The following PTPRN2 variants were observed in gnomAD, a reference collection of about 807,000 sequenced individuals.
PTPRN2 encodes the protein protein tyrosine phosphatase receptor type N2.
Under a neutral mutation model 118.8 loss-of-function variants are expected in PTPRN2, and 74 were observed. The observed-to-expected ratio is 0.62, with a 90% CI of 0.52 to 0.76. The LOEUF (loss-of-function observed/expected upper bound fraction) is 0.76, where lower values mean the gene tolerates loss of function less well. Among genes scored for constraint, PTPRN2 ranks in the 30% least tolerant of loss-of-function variants. PTPRN2 has a pLI of 0.00. For synonymous variants in PTPRN2, 641 were observed against 608.0 expected (o/e 1.05, Z -0.80); for missense variants, 1,481 against 1,394.4 (o/e 1.06, Z -0.99).
intron 11 of PTPRN2, among the ~76,000 whole-genome samples, chr7:157,935,870 G>A (rs970943837): frequency 6.8e-6 from 1 of 148,060 alleles, no homozygotes; most frequent in Non-Finnish European, 1.5e-5. Context: ...GCTCCCTCAG[G>A]GGGGTCTAGC....
At chr7:157,751,207 A>C (rs1299575591) in intron 12 of PTPRN2, among the ~76,000 whole-genome samples, 6 of 152,144 alleles carry the variant, frequency 3.9e-5, no homozygotes, top group Non-Finnish European at 8.8e-5. Flanking sequence ...ACATGCTGAC[A>C]TGTGAAGGGA....
At chr7:157,594,575 C>T (rs959045983) in intron 17 of PTPRN2, among the ~76,000 whole-genome samples, 3 of 152,242 alleles carry the variant, frequency 2.0e-5, no homozygotes, top group Admixed American at 6.5e-5. Context: ...TCGGGGTTGG[C>T]TGGTGTGCCC....
intron 13 of PTPRN2, among the ~76,000 whole-genome samples, chr7:157,679,658 C>T (rs772891938): frequency 2.0e-4 from 30 of 152,288 alleles, no homozygotes; most frequent in African/African-American, 4.1e-4. Flanking sequence ...AGGAGCACAA[C>T]GTGGGCCCCC....
At chr7:158,531,412 T>C (rs1563403308) in intron 1 of PTPRN2, among the ~76,000 whole-genome samples, 1 of 152,106 alleles carries the variant, frequency 6.6e-6, no homozygotes, top group Non-Finnish European at 1.5e-5. Flanking sequence ...CCCAACCCCA[T>C]CCAGATCCAG....
At position 158,034,199 on chromosome 7, in the gene PTPRN2, G is replaced by A. The variant is rs187314416; in HGVS notation, c.1723+47099C>T. 2.2e-3 allele frequency among the ~76,000 whole-genome samples: 326 copies of A among 148,006 alleles called. 2 individuals carry two copies. The highest frequency in any genetic ancestry group is 7.5e-3 in the African/African-American group (287 of 38,080). On this transcript the variant is annotated intron_variant, in intron 11 of 22. Transcript: ENST00000389418. ...GCGTCCCTGGTCAGCAATGCTCTGC[G>A]TGTGGCTGGCTGCACACTGAGACCT...
rs562890589 is a variant in PTPRN2 at position 158,245,271 on chromosome 7, C to A, written c.278-39998G>T. Among the ~76,000 whole-genome samples, 139 of 150,976 alleles carry A rather than the reference C, an allele frequency of 9.2e-4. 1 individual carries two copies. Among genetic ancestry groups the A allele is most frequent in the Non-Finnish European group, 1.3e-3 (89 of 67,778 alleles). On this transcript the variant is annotated intron_variant, in intron 3 of 22. Coordinates refer to ENST00000389418, the MANE Select transcript of PTPRN2 (RefSeq NM_002847.5). ...GGTCATGCTGGAATCCACGGTCATG[C>A]CGGAACCCATGGCCATGCCAGAATC...
At chr7:157,769,153 C>T (rs1802653306) in intron 12 of PTPRN2, among the ~76,000 whole-genome samples, 1 of 152,172 alleles carries the variant, frequency 6.6e-6, no homozygotes, top group South Asian at 2.1e-4. Context: ...GCCCAGTGTC[C>T]ACCGAGGGCA....
intron 12 of PTPRN2, among the ~76,000 whole-genome samples, chr7:157,792,746 C>T (rs1342233636): frequency 2.6e-5 from 4 of 152,210 alleles, no homozygotes; most frequent in East Asian, 3.9e-4. Context: ...ATGGGCCACC[C>T]GGAGGCTGCC....
chr7:157,687,631 G>T (rs1372036543), intron 12 of PTPRN2, among the ~76,000 whole-genome samples: 2 of 152,172 alleles, frequency 1.3e-5, no homozygotes, highest in Non-Finnish European at 2.9e-5. Flanking sequence ...CAGTTTTAGA[G>T]ACCATTAATG....
intron 2 of PTPRN2, among the ~76,000 whole-genome samples, chr7:158,414,125 G>C (rs900247468): frequency 2.0e-5 from 3 of 151,094 alleles, no homozygotes; most frequent in African/African-American, 7.3e-5. Context: ...CCAGCAGGGG[G>C]AGAACTGTGG....
In PTPRN2 at chr7:157,903,407, CA is replaced by C. The variant is rs766209453; in HGVS notation, c.1724-4671del. ...GTATGCCCAGGTCACAAGTGTACCC[CA>C]AACCTCAGCACCACCAGTATACCCA... On this transcript the variant is annotated intron_variant, in intron 11 of 22. Transcript: ENST00000389418. The surrounding 1 kb of genome is among the most constrained non-coding windows in gnomAD (Gnocchi z 4.2). Among the ~76,000 whole-genome samples, 4 of 152,010 alleles carry C rather than the reference CA, an allele frequency of 2.6e-5. No homozygotes were observed. Among genetic ancestry groups the C allele is most frequent in the Admixed American group, 1.3e-4 (2 of 15,266 alleles).
intron 2 of PTPRN2, among the ~76,000 whole-genome samples, chr7:158,455,224 C>G (rs1733171): frequency 1.1e-5 from 1 of 91,474 alleles, no homozygotes; most frequent in Non-Finnish European, 2.4e-5. Flanking sequence ...GCCACGGCCA[C>G]CCATCGCTCT....
intron 21 of PTPRN2, among the ~76,000 whole-genome samples, chr7:157,551,102 G>A (rs371446261): frequency 8.5e-5 from 13 of 152,226 alleles, no homozygotes; most frequent in African/African-American, 2.9e-4. Context: ...TGGCAGAAAC[G>A]ACGCAGGGGA....
At chr7:157,576,940 C>T (rs1424597380) in intron 18 of PTPRN2, among the ~76,000 whole-genome samples, 161 bp from the exon 19 acceptor site, 2 of 152,204 alleles carry the variant, frequency 1.3e-5, no homozygotes, top group Non-Finnish European at 2.9e-5. Context: ...TTCGCGGCCC[C>T]CTCCCACCTT....
At position 157,764,315 on chromosome 7, in the gene PTPRN2, G is replaced by A. The variant is rs561906435; in HGVS notation, c.1789-81378C>T. Among the ~76,000 whole-genome samples the A allele has an allele frequency of 6.6e-6, 1 of 152,310 alleles. No homozygotes were observed. The highest frequency in any genetic ancestry group is 1.9e-4 in the East Asian group (1 of 5,182). ...GCAGCAGCGCTCACAGAAGCCAAGA[G>A]GTGAGGCCACCCAAGCGTCCACCAA... is the stretch of plus-strand genomic sequence containing the variant. On this transcript the variant is annotated intron_variant, in intron 12 of 22. Transcript: ENST00000389418. The surrounding 1 kb of genome is among the most constrained non-coding windows in gnomAD (Gnocchi z 4.5).
chr7:158,278,594 G>T (rs1310367927), intron 3 of PTPRN2, among the ~76,000 whole-genome samples: 1 of 152,250 alleles, frequency 6.6e-6, no homozygotes, highest in South Asian at 2.1e-4. Context: ...GATGTAGATG[G>T]ACATGTTGTG....
chr7:157,778,320 G>A (rs1211893799), intron 12 of PTPRN2, among the ~76,000 whole-genome samples: 1 of 152,008 alleles, frequency 6.6e-6, no homozygotes, highest in Non-Finnish European at 1.5e-5. Flanking sequence ...TGTGAATACA[G>A]GCATCAAATG....
chr7:157,892,010 G>A (rs1024001428), intron 12 of PTPRN2, among the ~76,000 whole-genome samples: 1 of 152,160 alleles, frequency 6.6e-6, no homozygotes, highest in African/African-American at 2.4e-5. Flanking sequence ...GAGACTCAGG[G>A]TCGGCCACTT....
chr7:158,211,171 T>TA (rs1294088929), intron 3 of PTPRN2, among the ~76,000 whole-genome samples: 1 of 151,982 alleles, frequency 6.6e-6, no homozygotes, highest in African/African-American at 2.4e-5. Flanking sequence ...AAAAATCACA[T>TA]AAAAATGGAT....
Sources: gnomAD v4.1 joint callset for allele counts (sites outside exome capture counted in the v4.1 genomes callset) on GRCh38, gnomAD v4.1.1 for gene constraint, Gnocchi (gnomAD v3.1) non-coding constraint, MANE v1.5 for transcripts, NCBI Gene and HGNC (gene_info 2026-07-23, HGNC 2026-07-21) for gene names.